HPGDS: variants seen among roughly 807,000 people sequenced by gnomAD.
HPGDS encodes GST class-sigma.
Under a neutral mutation model 23.1 loss-of-function variants are expected in HPGDS, and 26 were observed. That is an observed-to-expected ratio of 1.13 (90% confidence interval 0.83 to 1.56). HPGDS has a LOEUF of 1.56. HPGDS is among the 40% of genes most tolerant of loss of function. The probability of loss-of-function intolerance (pLI) is 0.00; values close to 1 mark genes in which losing one functional copy is unlikely to be tolerated. For missense variants in HPGDS, 268 were observed against 236.4 expected, an observed-to-expected ratio of 1.13 and a Z score of -0.88; for synonymous variants, 95 against 77.9, an observed-to-expected ratio of 1.22 and a Z score of -1.16.
Position 94,305,880 on chromosome 4 carries a change from G to A in HPGDS, c.336+2754C>T, listed in dbSNP as rs552007815. Among the ~76,000 whole-genome samples the A allele has an allele frequency of 3.9e-5, 6 of 152,226 alleles. No individual in the cohort carries two copies. In the South Asian group the frequency reaches 1.2e-3, roughly 32 times the overall value. ...GAGGCTATGGGATCTAAATTCAGCT[G>A]TCTGGGCTCAGTTCACAGTTCTGTC... On this transcript the variant is annotated intron_variant, in intron 4 of 5. Coordinates refer to ENST00000295256, the MANE Select transcript of HPGDS (RefSeq NM_014485.3).
intron 2 of HPGDS, among the ~76,000 whole-genome samples, chr4:94,332,355 G>T (rs1253075282): frequency 6.6e-6 from 1 of 152,204 alleles, no homozygotes; most frequent in East Asian, 1.9e-4. Flanking sequence ...ACCAAGTACA[G>T]GGAACCAAAA....
chr4:94,315,668 G>A (rs1756382088), intron 3 of HPGDS, among the ~76,000 whole-genome samples: 1 of 152,140 alleles, frequency 6.6e-6, no homozygotes, highest in Non-Finnish European at 1.5e-5. Context: ...GACAGTGGAT[G>A]AATTGTATGT....
chr4:94,321,395 G>A (rs1415216172), intron 2 of HPGDS, among the ~76,000 whole-genome samples: 5 of 152,190 alleles, frequency 3.3e-5, no homozygotes, highest in African/African-American at 4.8e-5. Context: ...CTACCCATGA[G>A]CATGGAATGT....
chr4:94,305,124 C>A (rs921243358), intron 4 of HPGDS, among the ~76,000 whole-genome samples: 4 of 152,076 alleles, frequency 2.6e-5, no homozygotes, highest in Non-Finnish European at 2.9e-5. Flanking sequence ...CACTTCCTAC[C>A]TAGCCATAGG....
At chr4:94,299,739 C>G (rs1755998565) in intron 5 of HPGDS, 95 bp from the exon 6 acceptor site, 3 of 1,139,744 alleles carry the variant, frequency 2.6e-6, no homozygotes, top group Admixed American at 4.7e-5. Context: ...CTAAAAGATT[C>G]AAAACAATCT....
At chr4:94,307,391 C>T (rs746946388) in intron 4 of HPGDS, among the ~76,000 whole-genome samples, 67 of 151,904 alleles carry the variant, frequency 4.4e-4, no homozygotes, top group Non-Finnish European at 8.1e-4. Context: ...CATACCAGAG[C>T]GAAGCAGTGT....
intron 2 of HPGDS, among the ~76,000 whole-genome samples, chr4:94,318,362 A>T (rs1756437230): frequency 6.6e-6 from 1 of 152,190 alleles, no homozygotes; most frequent in African/African-American, 2.4e-5. Flanking sequence ...TATGGTAAGA[A>T]CTTAGCCATA....
intron 1 of HPGDS, among the ~76,000 whole-genome samples, chr4:94,339,771 C>T (rs1177599228): frequency 6.6e-6 from 1 of 152,014 alleles, no homozygotes; most frequent in Non-Finnish European, 1.5e-5. Flanking sequence ...TGAATTGTAG[C>T]TCCCATAATT....
intron 2 of HPGDS, among the ~76,000 whole-genome samples, chr4:94,322,125 TG>T (rs1756524303): frequency 6.6e-6 from 1 of 152,220 alleles, no homozygotes; most frequent in South Asian, 2.1e-4. Context: ...AGCTTGATCT[TG>T]GTGGATAAGG....
intron 3 of HPGDS, among the ~76,000 whole-genome samples, chr4:94,309,370 A>G (rs1756212553): frequency 6.6e-6 from 1 of 151,386 alleles, no homozygotes; most frequent in Non-Finnish European, 1.5e-5. Flanking sequence ...AAGAGTGAGA[A>G]CATGCAGTGT....
rs192078001 is a variant in HPGDS at position 94,314,160 on chromosome 4, A to T, written c.226+3713T>A. 6.6e-5 allele frequency among the ~76,000 whole-genome samples: 10 copies of T among 152,312 alleles called. No individual in the cohort carries two copies. The East Asian group carries it at 1.7e-3, about 26-fold the overall frequency. ...AACTCATCAAAGTCATTCTCTGTCC[A>T]GCTTTGTTCCATTGCTGGTGAGGAG... On this transcript the variant is annotated intron_variant, in intron 3 of 5. Transcript: ENST00000295256.
intron 2 of HPGDS, among the ~76,000 whole-genome samples, chr4:94,326,158 G>C (rs1018642929): frequency 1.9e-4 from 29 of 152,064 alleles, no homozygotes; most frequent in African/African-American, 6.8e-4. Flanking sequence ...TTGACAACTT[G>C]ACAAGCTTGA....
intron 2 of HPGDS, among the ~76,000 whole-genome samples, chr4:94,319,766 C>T (rs1756466368): frequency 6.6e-6 from 1 of 152,012 alleles, no homozygotes; most frequent in African/African-American, 2.4e-5. Flanking sequence ...ATTTCTCCCT[C>T]ATTTTTGTAT....
chr4:94,306,176 C>T (rs988429184), intron 4 of HPGDS, among the ~76,000 whole-genome samples: 2 of 151,958 alleles, frequency 1.3e-5, no homozygotes, highest in African/African-American at 2.4e-5. Flanking sequence ...TCCTACCCCA[C>T]GATGCATCCA....
chr4:94,326,463 G>A (rs1459072302), intron 2 of HPGDS, among the ~76,000 whole-genome samples: 2 of 151,766 alleles, frequency 1.3e-5, no homozygotes, highest in South Asian at 2.1e-4. Context: ...CTGTCTTCAA[G>A]TTCAGAAATT....
chr4:94,320,932 T>G (rs112346408), intron 2 of HPGDS, among the ~76,000 whole-genome samples: 22,307 of 152,202 alleles, frequency 0.15, 1,879 homozygotes, highest in Non-Finnish European at 0.19. Context: ...CTTGAATGAA[T>G]TTTTGTATAA....
At chr4:94,301,775 ATCTG>A (rs1174678151) in intron 5 of HPGDS, among the ~76,000 whole-genome samples, 3 of 152,156 alleles carry the variant, frequency 2.0e-5, no homozygotes, top group Non-Finnish European at 2.9e-5. Context: ...GCTAAGAGAT[ATCTG>A]TCTTAGATGT....
At chr4:94,340,312 T>TTTTTCTTTTC (rs1721129622) in intron 1 of HPGDS, among the ~76,000 whole-genome samples, 5 of 6,680 alleles carry the variant, frequency 7.5e-4, no homozygotes, top group South Asian at 4.5e-3. Flanking sequence ...TTTCTTTCTC[T>TTTTTCTTTTC]TTTTTTTTTT....
At chr4:94,308,198 T>A (rs1321018074) in intron 4 of HPGDS, among the ~76,000 whole-genome samples, 1 of 152,170 alleles carries the variant, frequency 6.6e-6, no homozygotes, top group African/African-American at 2.4e-5. Flanking sequence ...CTAAAGTTTG[T>A]GTTAAGTACT....
Sources: allele counts gnomAD v4.1 joint callset (sites outside exome capture counted in the v4.1 genomes callset), GRCh38; gene constraint gnomAD v4.1.1; transcripts MANE v1.5; gene names NCBI Gene and HGNC (gene_info 2026-07-23, HGNC 2026-07-21).